The following GNAI2 variants were observed in gnomAD, a reference collection of about 807,000 sequenced individuals.
GNAI2 encodes the protein G protein subunit alpha i2.
In GNAI2, 4 loss-of-function variants were observed where a neutral mutation model predicts 36.8. That is an observed-to-expected ratio of 0.11 (90% CI 0.05 to 0.25). The LOEUF (loss-of-function observed/expected upper bound fraction) is 0.25, where lower values mean the gene tolerates loss of function less well. GNAI2 is among the 10% of genes least tolerant of loss of function. The pLI is 1.00. For synonymous variants in GNAI2, 194 were observed against 194.1 expected (o/e 1.00, Z 0.01); for missense variants, 230 against 481.3 (o/e 0.48, Z 4.89).
Position 50,258,583 on chromosome 3 carries a change from C to G in GNAI2, c.*240C>G, listed in dbSNP as rs967075855. 2 of 194,280 alleles carry G rather than the reference C, an allele frequency of 1.0e-5. No homozygotes were observed. The highest frequency in any genetic ancestry group is 2.2e-5 in the Non-Finnish European group (2 of 92,122). 12.0% of individuals were successfully genotyped at this position (194,280 alleles called of 1,614,324 possible). A position where few individuals can be genotyped will look rare whatever the true frequency, so the allele number is the denominator to read the frequency against. On this transcript the variant is annotated 3_prime_UTR_variant, in exon 9 of 9. Coordinates refer to ENST00000313601, the MANE Select transcript of GNAI2 (RefSeq NM_002070.4). ...GATGCTGGTAATGGCCATGGTACCC[C>G]CTTCTGGGCATCTGTTCTGGTTTTT...
exon 1 of GNAI2, chr3:50,230,880 A>C: frequency 4.1e-6 from 4 of 985,296 alleles, no homozygotes; most frequent in Non-Finnish European, 3.6e-6. Context: ...ACTCTCCTGA[A>C]AGGACTCCTG....
chr3:50,247,216 T>C (rs1389078940), intron 1 of GNAI2: 1 of 617,856 alleles, frequency 1.6e-6, no homozygotes, highest in African/African-American at 1.8e-5. Context: ...CGTTGTCCCA[T>C]TTCACAGATG....
chr3:50,227,347 G>C, upstream of GNAI2: 1 of 425,342 alleles, frequency 2.4e-6, no homozygotes, highest in Admixed American at 4.4e-5. The surrounding 1 kb of genome is among the most constrained non-coding windows in gnomAD (Gnocchi z 5.9). Flanking sequence ...AGGAGTGGCA[G>C]GTCGGCGGAG....
At position 50,257,005 on chromosome 3, in the gene GNAI2, C is replaced by T. The variant is rs1258438963; in HGVS notation, c.792C>T (p.Ser264=). ...ACAACAAGTGGTTCACAGACACGTC[C>T]ATCATCCTCTTCCTCAACAAGAAGG... The part of the protein sequence containing the change: ...ICNNKWFTDT[S]IILFLNKKDL... Residue 264 remains serine, a synonymous_variant, in exon 7 of 9, where the codon TCC becomes TCT. Transcript: ENST00000313601. 1.2e-6 allele frequency: 2 copies of T among 1,613,708 alleles called. No homozygotes were observed. Among genetic ancestry groups the T allele is most frequent in the East Asian group, 2.2e-5 (1 of 44,890 alleles).
At position 50,241,181 on chromosome 3, in the gene GNAI2, G is replaced by A. The variant is rs2236943; in HGVS notation, c.118+4728G>A. Among the ~76,000 whole-genome samples, 8,091 of 152,178 alleles carry A rather than the reference G, an allele frequency of 0.053. 1,530 individuals are homozygous for A. In the East Asian group the frequency reaches 0.59, roughly 11 times the overall value. ...GGTCTAGGTTTGGAGATGTGGTAGG[G>A]CCCTGGGTGCCAGGTGGGCCAGTAC... is the stretch of plus-strand genomic sequence containing the variant. On this transcript the variant is annotated intron_variant, in intron 1 of 8. Coordinates refer to ENST00000313601, the MANE Select transcript of GNAI2 (RefSeq NM_002070.4). The surrounding 1 kb of genome is among the most constrained non-coding windows in gnomAD (Gnocchi z 5.0).
At chr3:50,233,693 T>C (rs1700108648), upstream of GNAI2, among the ~76,000 whole-genome samples, 1 of 152,014 alleles carries the variant, frequency 6.6e-6, no homozygotes, top group African/African-American at 2.4e-5. Flanking sequence ...CAGGGCCTGC[T>C]TGAGCTTCAG....
In GNAI2 at chr3:50,244,674, G is replaced by A. The variant is rs587696306; in HGVS notation, c.119-7426G>A. ...CTGATGACTGCATGATAGTTGTTGA[G>A]GCTGGTTCCTCTTGCTCCTTGGCCT... On this transcript the variant is annotated intron_variant, in intron 1 of 8. Coordinates refer to ENST00000313601, the MANE Select transcript of GNAI2 (RefSeq NM_002070.4). Among the ~76,000 whole-genome samples, 3 of 152,324 alleles carry A rather than the reference G, an allele frequency of 2.0e-5. No individual in the cohort carries two copies. In the East Asian group the frequency reaches 5.8e-4, roughly 29 times the overall value.
At chr3:50,237,269 C>G (rs2109181779) in intron 1 of GNAI2, among the ~76,000 whole-genome samples, 1 of 152,332 alleles carries the variant, frequency 6.6e-6, no homozygotes, top group South Asian at 2.1e-4. Context: ...CTCCACTGGT[C>G]ACGCTGGGGG....
intron 1 of GNAI2, 125 bp from the exon 2 acceptor site, chr3:50,251,975 A>T (rs1423393939): frequency 1.0e-6 from 1 of 994,688 alleles, no homozygotes; most frequent in African/African-American, 1.6e-5. Context: ...AGCTGCCTCC[A>T]TCTCACGGTG....
In GNAI2 at chr3:50,238,691, T is replaced by C. The variant is rs974278556; in HGVS notation, c.118+2238T>C. ...GCTGCAAAGGGCTCTGACCAAGCTCTGCTTGATATTGATGACCCAGTCTGC... is the reference window on the plus strand; with the variant it reads ...GCTGCAAAGGGCTCTGACCAAGCTCCGCTTGATATTGATGACCCAGTCTGC... On this transcript the variant is annotated intron_variant, in intron 1 of 8. Transcript: ENST00000313601. The surrounding 1 kb of genome is among the most constrained non-coding windows in gnomAD (Gnocchi z 5.0). Among the ~76,000 whole-genome samples the C allele has an allele frequency of 1.3e-5, 2 of 152,306 alleles. No homozygotes were observed. The highest frequency in any genetic ancestry group is 1.3e-4 in the Admixed American group (2 of 15,306).
chr3:50,257,870 CAGG>C, intron 8 of GNAI2, 156 bp downstream of exon 8: 2 of 551,684 alleles, frequency 3.6e-6, no homozygotes, highest in South Asian at 5.0e-5. Flanking sequence ...GGGTGTGAAT[CAGG>C]AGGTCAAGTG....
rs782472007 is a variant in GNAI2, at chr3:50,241,291, G to A, written c.118+4838G>A. Among the ~76,000 whole-genome samples the A allele has an allele frequency of 2.0e-5, 3 of 152,188 alleles. No homozygotes were observed. The highest frequency in any genetic ancestry group is 2.9e-5 in the Non-Finnish European group (2 of 68,022). On this transcript the variant is annotated intron_variant, in intron 1 of 8. Coordinates refer to ENST00000313601, the MANE Select transcript of GNAI2 (RefSeq NM_002070.4). This position sits in a 1 kb window ranked among gnomAD's most constrained non-coding sequence, Gnocchi z 5.0. ...GCTCATTAGCACTTGAATGGGGGGC[G>A]GGGCGGCTTGGGCCTCTGAGTCTCT... is the stretch of plus-strand genomic sequence containing the variant.
At chr3:50,248,493 C>T (rs781816163) in intron 1 of GNAI2, among the ~76,000 whole-genome samples, 33 of 152,182 alleles carry the variant, frequency 2.2e-4, no homozygotes, top group Non-Finnish European at 4.0e-4. Context: ...ACCCAGATGC[C>T]ATCCTGGGGC....
At chr3:50,248,764 G>A (rs930741792) in intron 1 of GNAI2, among the ~76,000 whole-genome samples, 35 of 152,164 alleles carry the variant, frequency 2.3e-4, no homozygotes, top group African/African-American at 7.5e-4. Flanking sequence ...GCTTGGGATA[G>A]AGAATGTTCT....
intron 1 of GNAI2, among the ~76,000 whole-genome samples, chr3:50,250,692 C>T (rs1700533090): frequency 6.6e-6 from 1 of 152,172 alleles, no homozygotes; most frequent in African/African-American, 2.4e-5. Context: ...GGCCCCCAGC[C>T]AGGGAGTTGG....
At chr3:50,240,932 A>G (rs1181140442) in intron 1 of GNAI2, among the ~76,000 whole-genome samples, 1 of 122,768 alleles carries the variant, frequency 8.1e-6, no homozygotes, top group African/African-American at 5.1e-5. Flanking sequence ...AAAAAAAAAA[A>G]AAAAGAAAAA....
At position 50,241,461 on chromosome 3, in the gene GNAI2, C is replaced by T. The variant is rs1203136166; in HGVS notation, c.118+5008C>T. ...CCTGCCCAGTTCTGCTAGGCTCAGC[C>T]CCTGCCTCTCACGCCAGTGTCAGTG... is the stretch of plus-strand genomic sequence containing the variant. On this transcript the variant is annotated intron_variant, in intron 1 of 8. Transcript: ENST00000313601. The surrounding 1 kb of genome is among the most constrained non-coding windows in gnomAD (Gnocchi z 5.0). Among the ~76,000 whole-genome samples, 1 of 152,202 alleles carries T rather than the reference C, an allele frequency of 6.6e-6. No individual in the cohort carries two copies. Among genetic ancestry groups the T allele is most frequent in the Non-Finnish European group, 1.5e-5 (1 of 68,020 alleles).
At chr3:50,233,345 G>C (rs978042898), upstream of GNAI2, among the ~76,000 whole-genome samples, 2 of 152,198 alleles carry the variant, frequency 1.3e-5, no homozygotes, top group Admixed American at 6.5e-5. Flanking sequence ...CCTACTGAGA[G>C]CTGGGCCTCC....
intron 1 of GNAI2, among the ~76,000 whole-genome samples, chr3:50,250,970 T>C (rs1489306807): frequency 6.6e-6 from 1 of 151,952 alleles, no homozygotes; most frequent in Non-Finnish European, 1.5e-5. Context: ...CCACCACGCC[T>C]GGCTAGTTTT....
Sources: gnomAD v4.1 joint callset for allele counts (sites outside exome capture counted in the v4.1 genomes callset) on GRCh38, gnomAD v4.1.1 for gene constraint, Gnocchi (gnomAD v3.1) non-coding constraint, MANE v1.5 for transcripts, NCBI Gene and HGNC (gene_info 2026-07-23, HGNC 2026-07-21) for gene names.